The following DNAH8 variants were observed in gnomAD, a reference collection of about 807,000 sequenced individuals.
The protein encoded by DNAH8 is dynein axonemal heavy chain 8.
In DNAH8, 382 loss-of-function variants were observed where a neutral mutation model predicts 562.1. The observed-to-expected ratio is 0.68, with a 90% CI of 0.63 to 0.74. DNAH8 has a LOEUF of 0.74. DNAH8 is among the 30% of genes least tolerant of loss of function. DNAH8 has a pLI of 0.00. For missense variants in DNAH8, 5,203 were observed against 5,620.4 expected (o/e 0.93, Z 2.37); for synonymous variants, 1,881 against 1,919.4 (o/e 0.98, Z 0.52).
At chr6:38,995,756 A>G (rs2150741575) in intron 88 of DNAH8, among the ~76,000 whole-genome samples, 1 of 152,320 alleles carries the variant, frequency 6.6e-6, no homozygotes, top group South Asian at 2.1e-4. Flanking sequence ...TAAAATTGTT[A>G]CAGAAGTGTG....
At chr6:38,814,439 G>A (rs570408130) in intron 25 of DNAH8, among the ~76,000 whole-genome samples, 8 of 152,266 alleles carry the variant, frequency 5.3e-5, no homozygotes, top group Non-Finnish European at 1.0e-4. Context: ...AAATTAGCCA[G>A]TTGTGGTGGT....
At chr6:38,828,123 C>T (rs1773521835) in intron 29 of DNAH8, 61 bp from the exon 30 acceptor site, 4 of 1,077,732 alleles carry the variant, frequency 3.7e-6, no homozygotes, top group Admixed American at 2.2e-5. Context: ...TAGAAGGCGT[C>T]TAAATCATTT....
intron 61 of DNAH8, among the ~76,000 whole-genome samples, chr6:38,898,771 A>T (rs1019672868): frequency 1.3e-5 from 2 of 152,166 alleles, no homozygotes; most frequent in South Asian, 4.1e-4. Context: ...AAAAGTGTCA[A>T]TGTTATGATT....
chr6:38,994,515 A>G (rs1031705875), intron 88 of DNAH8, among the ~76,000 whole-genome samples: 32 of 104,922 alleles, frequency 3.0e-4, no homozygotes, highest in African/African-American at 1.1e-3. Context: ...TTTTTTTTTT[A>G]GTGCTTGTAT....
At chr6:38,813,507 A>T (rs1771982768) in intron 24 of DNAH8, among the ~76,000 whole-genome samples, 1 of 152,066 alleles carries the variant, frequency 6.6e-6, no homozygotes, top group African/African-American at 2.4e-5. Context: ...TACATTTATT[A>T]TAATTTTGCC....
chr6:38,953,491 GTGGTTTCCGTTTCT>G (rs1292706624), intron 82 of DNAH8, among the ~76,000 whole-genome samples: 5 of 152,140 alleles, frequency 3.3e-5, no homozygotes, highest in Non-Finnish European at 5.9e-5. Context: ...TGGCAATTTG[GTGGTTTCCGTTTCT>G]TGGTCCTACC....
intron 1 of DNAH8, among the ~76,000 whole-genome samples, 196 bp from the exon 2 acceptor site, chr6:38,722,580 G>GT (rs1491263334): frequency 2.4e-5 from 3 of 123,146 alleles, no homozygotes; most frequent in African/African-American, 9.1e-5. Context: ...CCAGGTGGGT[G>GT]GGGGTGTGTG....
chr6:38,906,238 T>A lies in DNAH8; in HGVS notation c.9195-16T>A. ...ATATTTTTTAATCTAAAACTTTCTA[T>A]CATTTTTCTTCTTAGGTCTTACAAT... On this transcript the variant is annotated splice_polypyrimidine_tract_variant and intron_variant, in intron 62 of 92. Transcript: ENST00000327475. The A allele has an allele frequency of 6.6e-7, 1 of 1,525,876 alleles. No homozygotes were observed. The highest frequency in any genetic ancestry group is 9.0e-7 in the Non-Finnish European group (1 of 1,115,648). The allele number at this position is 1,525,876 out of a possible 1,614,324, so 94.5% of individuals were successfully genotyped here. A position where few individuals can be genotyped will look rare whatever the true frequency, so the allele number is the denominator to read the frequency against.
intron 91 of DNAH8, among the ~76,000 whole-genome samples, chr6:39,015,429 A>T (rs2150778825): frequency 6.6e-6 from 1 of 152,298 alleles, no homozygotes; most frequent in Middle Eastern, 3.4e-3. Context: ...AACTCATCTC[A>T]AATAGTAATC....
intron 7 of DNAH8, 117 bp downstream of exon 7, chr6:38,738,089 C>T: frequency 8.9e-7 from 1 of 1,126,646 alleles, no homozygotes; most frequent in South Asian, 1.5e-5. Flanking sequence ...CTTCCAGAAT[C>T]TAGTTTGAAA....
chr6:38,719,225 G>A (rs1762564060), intron 1 of DNAH8, among the ~76,000 whole-genome samples: 1 of 152,146 alleles, frequency 6.6e-6, no homozygotes, highest in Non-Finnish European at 1.5e-5. Flanking sequence ...GCTTGAAGTA[G>A]TCTTTTTTTC....
At chr6:39,014,319 T>C (rs1766423951) in intron 91 of DNAH8, among the ~76,000 whole-genome samples, 1 of 152,218 alleles carries the variant, frequency 6.6e-6, no homozygotes, top group Admixed American at 6.5e-5. Context: ...TTTGTGTGTC[T>C]ACTTATGAGT....
Position 38,874,145 on chromosome 6 carries a change from CTCCT to C in DNAH8, c.7620+782_7620+785del, listed in dbSNP as rs1367730951. The stretch of plus-strand genomic sequence containing the variant: ...CTTCTCTCTTTCTTTCTTTCTCTTT[CTCCT>C]TCCTTCCTTCCTCCTTCTCTCTTTC... On this transcript the variant is annotated intron_variant, in intron 52 of 92. Transcript: ENST00000327475. 6.3e-5 allele frequency among the ~76,000 whole-genome samples: 8 copies of C among 127,650 alleles called. 1 individual carries two copies. Among genetic ancestry groups the C allele is most frequent in the East Asian group, 2.6e-4 (1 of 3,902 alleles). 83.7% of individuals were successfully genotyped at this position (127,650 alleles called of 152,430 possible). A position where few individuals can be genotyped will look rare whatever the true frequency, so the allele number is the denominator to read the frequency against.
intron 4 of DNAH8, among the ~76,000 whole-genome samples, chr6:38,732,426 C>G (rs1310453274): frequency 6.6e-6 from 1 of 152,074 alleles, no homozygotes; most frequent in Non-Finnish European, 1.5e-5. Flanking sequence ...GTAGTAAATC[C>G]CTGTGGAGCC....
chr6:38,756,898 A>G (rs1765966728), intron 10 of DNAH8, among the ~76,000 whole-genome samples: 1 of 151,748 alleles, frequency 6.6e-6, no homozygotes, highest in Non-Finnish European at 1.5e-5. Flanking sequence ...TATGTGCCAC[A>G]TTTTCTTAAT....
chr6:38,984,450 T>G (rs1388367717), intron 87 of DNAH8, 143 bp downstream of exon 87: 2 of 631,386 alleles, frequency 3.2e-6, no homozygotes, highest in African/African-American at 1.9e-5. Context: ...ATGTGTGCGC[T>G]TACACACACG....
intron 30 of DNAH8, among the ~76,000 whole-genome samples, chr6:38,829,206 G>T (rs1000392839): frequency 2.0e-5 from 3 of 152,154 alleles, no homozygotes; most frequent in African/African-American, 7.2e-5. Context: ...CTTTTGAGTT[G>T]TAAGAATTCT....
intron 41 of DNAH8, among the ~76,000 whole-genome samples, chr6:38,855,576 A>G (rs1776131959): frequency 6.6e-6 from 1 of 152,126 alleles, no homozygotes; most frequent in Admixed American, 6.6e-5. Flanking sequence ...TGTGTATAAT[A>G]TGTCTTGTGA....
chr6:38,893,934 A>G (rs1471991742), intron 58 of DNAH8, among the ~76,000 whole-genome samples: 2 of 152,296 alleles, frequency 1.3e-5, no homozygotes, highest in East Asian at 3.9e-4. Context: ...TATCTAGAGT[A>G]CCTCGAGGTT....
Sources: allele counts gnomAD v4.1 joint callset (sites outside exome capture counted in the v4.1 genomes callset), GRCh38; gene constraint gnomAD v4.1.1; transcripts MANE v1.5; gene names NCBI Gene and HGNC (gene_info 2026-07-23, HGNC 2026-07-21).